KRT18: variants seen among roughly 807,000 people sequenced by gnomAD.
The protein encoded by KRT18 is keratin 18, also known as keratin, type I cytoskeletal 18.
A neutral mutation model predicts 39.9 loss-of-function variants in KRT18; 8 were observed. The observed-to-expected ratio is 0.20, with a 90% CI of 0.12 to 0.36. KRT18 has a LOEUF of 0.36. Among genes scored for constraint, KRT18 ranks in the 10% least tolerant of loss-of-function variants. The pLI, the probability that KRT18 is intolerant of heterozygous loss-of-function variation, is 1.00. For synonymous variants in KRT18, 194 were observed against 227.8 expected, an observed-to-expected ratio of 0.85 and a Z score of 1.33; for missense variants, 396 against 565.7, an observed-to-expected ratio of 0.70 and a Z score of 3.04.
At chr12:52,948,913 C>T, upstream of KRT18, 1 of 435,554 alleles carries the variant, frequency 2.3e-6, no homozygotes, top group Non-Finnish European at 3.9e-6. Context: ...GTGTCCATGC[C>T]CGGTTGGCCA....
chr12:52,950,212 T>C, intron 1 of KRT18, 116 bp from the exon 2 acceptor site: 1 of 795,138 alleles, frequency 1.3e-6, no homozygotes. Flanking sequence ...GGAGAGCCTC[T>C]GGCTATTCCT....
At chr12:52,949,112 G>T, upstream of KRT18, 3 of 1,365,608 alleles carry the variant, frequency 2.2e-6, no homozygotes, top group South Asian at 1.2e-5. Context: ...CGCGCGGCTC[G>T]CGCAGGCCGC....
rs755905707 is a variant in KRT18 at position 52,951,626 on chromosome 12, A to G, written c.803A>G (p.Asp268Gly). Residue 268 changes from aspartate to glycine, a missense_variant, in exon 4 of 7, where the codon GAC becomes GGC. Coordinates refer to ENST00000388835, the MANE Select transcript of KRT18 (RefSeq NM_000224.3). Reference sequence around the variant, plus strand: ...GCTCGGAAGAACCGAGAGGAGCTAGACAAGTACTGGTCTCAGCAGGTGCGT... The same window carrying G: ...GCTCGGAAGAACCGAGAGGAGCTAGGCAAGTACTGGTCTCAGCAGGTGCGT... ...ELARKNREELDKYWSQQIEES... is the reference protein window; with the variant it reads ...ELARKNREELGKYWSQQIEES... 7 of 1,613,922 alleles carry G rather than the reference A, an allele frequency of 4.3e-6. No individual in the cohort carries two copies. Among genetic ancestry groups the G allele is most frequent in the Non-Finnish European group, 8.5e-7 (1 of 1,180,020 alleles).
At chr12:52,950,065 C>T (rs1020496733) in intron 1 of KRT18, 12 of 616,614 alleles carry the variant, frequency 1.9e-5, no homozygotes, top group South Asian at 1.9e-4. Context: ...TTGTTAGTAG[C>T]GACTCACTTC....
At position 52,950,334 on chromosome 12, in the gene KRT18, G is replaced by A. The variant is rs770066827; in HGVS notation, c.424G>A (p.Ala142Thr). The A allele has an allele frequency of 2.0e-5, 33 of 1,611,284 alleles. No individual in the cohort carries two copies. The highest frequency in any genetic ancestry group is 4.5e-5 in the East Asian group (2 of 44,876). The change falls in exon 2 of 7, where the codon GCA becomes ACA. Residue 142 changes from alanine (A) to threonine (T), a missense_variant. Transcript: ENST00000388835. ...CTCTCTACAATCCCTCCAGATCTTC[G>A]CAAATACTGTGGACAATGCCCGCAT... ...IIEDLRAQIF[A>T]NTVDNARIVL...
rs76301931 is a variant in KRT18 at position 52,949,184 on chromosome 12, C to G, written c.11C>G (p.Thr4Ser). ...CTCTCCCCGGACAGCATGAGCTTCA[C>G]CACTCGCTCCACCTTCTCCACCAAC... MSF[T>S]TRSTFSTNYR... The change falls in exon 1 of 7, where the codon ACC becomes AGC. Residue 4 changes from threonine to serine, a missense_variant. Coordinates refer to ENST00000388835, the MANE Select transcript of KRT18 (RefSeq NM_000224.3). 8.0e-7 allele frequency: 1 copy of G among 1,248,582 alleles called. No individual in the cohort carries two copies. The highest frequency in any genetic ancestry group is 1.3e-5 in the South Asian group (1 of 79,446). The allele number at this position is 1,248,582 out of a possible 1,614,324, so 77.3% of individuals were successfully genotyped here. A position where few individuals can be genotyped will look rare whatever the true frequency, so the allele number is the denominator to read the frequency against.
chr12:52,949,069 G>T, upstream of KRT18: 1 of 1,102,074 alleles, frequency 9.1e-7, no homozygotes, highest in South Asian at 1.3e-5. Context: ...TCCGGGGCGG[G>T]GGCGGGGCCT....
rs1942457657 is a variant in KRT18 at position 52,950,311 on chromosome 12, C to T, written c.418-17C>T. On this transcript the variant is annotated splice_polypyrimidine_tract_variant and intron_variant, in intron 1 of 6. Coordinates refer to ENST00000388835, the MANE Select transcript of KRT18 (RefSeq NM_000224.3). ...GCTTTCTATTCATGGAACAACCTCTCTCTACAATCCCTCCAGATCTTCGCA... is the reference window on the plus strand; with the variant it reads ...GCTTTCTATTCATGGAACAACCTCTTTCTACAATCCCTCCAGATCTTCGCA... The T allele has an allele frequency of 1.3e-6, 2 of 1,570,302 alleles. No individual in the cohort carries two copies. The highest frequency in any genetic ancestry group is 1.8e-6 in the Non-Finnish European group (2 of 1,140,800).
chr12:52,949,104 C>A, upstream of KRT18: 1 of 1,344,880 alleles, frequency 7.4e-7, no homozygotes, highest in Non-Finnish European at 1.0e-6. Context: ...ACTCGGGTCG[C>A]GCGGCTCGCG....
In KRT18 at chr12:52,950,382, C is replaced by G. The variant is rs553275094; in HGVS notation, c.472C>G (p.Arg158Gly). The G allele has an allele frequency of 1.2e-6, 2 of 1,613,118 alleles. No individual in the cohort carries two copies. The highest frequency in any genetic ancestry group is 1.7e-6 in the Non-Finnish European group (2 of 1,179,216). ...CATCGTTCTGCAGATTGACAATGCC[C>G]GTCTTGCTGCTGATGACTTTAGAGT... ...ARIVLQIDNA[R>G]LAADDFRVKY... is the part of the protein sequence containing the mutation. Residue 158 changes from arginine (R) to glycine (G), a missense_variant, in exon 2 of 7, where the codon CGT (arginine) becomes GGT (glycine). Arg to Gly is a moderately radical substitution (Grantham distance 125). Transcript: ENST00000388835.
At chr12:52,950,962 C>A in intron 3 of KRT18, 56 bp downstream of exon 3, 1 of 1,509,418 alleles carries the variant, frequency 6.6e-7, no homozygotes, top group South Asian at 1.2e-5. Context: ...AAGTCTGGGT[C>A]GGAGAATAGA....
chr12:52,951,920 C>G, intron 5 of KRT18, 64 bp downstream of exon 5: 1 of 1,589,390 alleles, frequency 6.3e-7, no homozygotes, highest in Non-Finnish European at 8.6e-7. Flanking sequence ...AACCCTGTCT[C>G]AACCCAAATC....
chr12:52,951,649 CG>C lies in KRT18; in HGVS notation c.822+5del. ...AGACAAGTACTGGTCTCAGCAGGTG[CG>C]TGAGGGGAGGGGATGGCTGCCAAGG... On this transcript the variant is annotated splice_donor_5th_base_variant and intron_variant, in intron 4 of 6. Coordinates refer to ENST00000388835, the MANE Select transcript of KRT18 (RefSeq NM_000224.3). 1 of 1,613,412 alleles carries C rather than the reference CG, an allele frequency of 6.2e-7. No homozygotes were observed. The highest frequency in any genetic ancestry group is 8.5e-7 in the Non-Finnish European group (1 of 1,179,966).
chr12:52,952,034 T>C, intron 5 of KRT18, 85 bp from the exon 6 acceptor site: 1 of 1,327,132 alleles, frequency 7.5e-7, no homozygotes, highest in South Asian at 1.3e-5. Flanking sequence ...ACATAGCAGG[T>C]GCCCAAAAAA....
At chr12:52,950,471 C>T in intron 2 of KRT18, 61 bp downstream of exon 2, 1 of 1,235,732 alleles carries the variant, frequency 8.1e-7, no homozygotes, top group South Asian at 1.2e-5. Context: ...ATCTGCTCCC[C>T]AGGCTGGGTC....
rs546174207 is a variant in KRT18, at chr12:52,950,944, G to A, written c.657+38G>A. 2.5e-5 allele frequency: 38 copies of A among 1,543,004 alleles called. 1 individual carries two copies. Among genetic ancestry groups the A allele is most frequent in the Non-Finnish European group, 3.2e-5 (37 of 1,147,440 alleles). On this transcript the variant is annotated intron_variant, in intron 3 of 6. Transcript: ENST00000388835. The stretch of plus-strand genomic sequence containing the variant: ...CACTGGCCAGGCCAGGGATTGAGGG[G>A]CCAAGAGAAGTCTGGGTCGGAGAAT...
Position 52,952,289 on chromosome 12 carries a change from G to T in KRT18, c.1119G>T (p.Leu373=). ...YEALLNIKVK[L]EAEIATYRRL... ...CCCTGCTGAACATCAAGGTCAAGCT[G>T]GAGGCTGAGATCGCCACCTACCGCC... Residue 373 remains leucine (L), a synonymous_variant, in exon 6 of 7, where the codon CTG becomes CTT. Transcript: ENST00000388835. The T allele has an allele frequency of 6.2e-7, 1 of 1,609,036 alleles. No homozygotes were observed. Among genetic ancestry groups the T allele is most frequent in the Admixed American group, 1.7e-5 (1 of 59,214 alleles).
At position 52,950,346 on chromosome 12, in the gene KRT18, G is replaced by C. The variant is rs749538159; in HGVS notation, c.436G>C (p.Asp146His). The C allele has an allele frequency of 6.2e-7, 1 of 1,612,968 alleles. No individual in the cohort carries two copies. The highest frequency in any genetic ancestry group is 1.3e-5 in the African/African-American group (1 of 74,874). Residue 146 changes from aspartate to histidine, a missense_variant, in exon 2 of 7, where the codon GAC (aspartate) becomes CAC (histidine). By Grantham distance (81) the Asp-to-His change is moderately conservative. Coordinates refer to ENST00000388835, the MANE Select transcript of KRT18 (RefSeq NM_000224.3). ...CCTCCAGATCTTCGCAAATACTGTG[G>C]ACAATGCCCGCATCGTTCTGCAGAT... ...LRAQIFANTVDNARIVLQIDN... is the reference protein window; with the variant it reads ...LRAQIFANTVHNARIVLQIDN...
intron 6 of KRT18, 28 bp downstream of exon 6, chr12:52,952,370 G>A (rs774417267): frequency 4.2e-6 from 6 of 1,428,826 alleles, no homozygotes; most frequent in East Asian, 2.3e-5. Flanking sequence ...ACCCACACGT[G>A]CTGGGATCAG....
Sources: allele counts gnomAD v4.1 joint callset, GRCh38; gene constraint gnomAD v4.1.1; transcripts MANE v1.5; gene names NCBI Gene and HGNC (gene_info 2026-07-23, HGNC 2026-07-21).